The following ITGA9 variants were observed in gnomAD, a reference collection of about 807,000 sequenced individuals.
ITGA9 encodes the protein integrin subunit alpha 9, also known as integrin alpha-9.
Under a neutral mutation model 127.8 loss-of-function variants are expected in ITGA9, and 56 were observed. The observed-to-expected ratio is 0.44, with a 90% CI of 0.35 to 0.55. The LOEUF is 0.55. ITGA9 is among the 20% of genes least tolerant of loss of function. The pLI is 0.00. For missense variants in ITGA9, 1,196 were observed against 1,347.1 expected, an observed-to-expected ratio of 0.89 and a Z score of 1.76; for synonymous variants, 508 against 514.5, an observed-to-expected ratio of 0.99 and a Z score of 0.17.
intron 15 of ITGA9, among the ~76,000 whole-genome samples, chr3:37,567,633 A>G (rs1391274263): frequency 6.6e-6 from 1 of 152,324 alleles, no homozygotes; most frequent in East Asian, 1.9e-4. Context: ...GGGTATAGGC[A>G]TAAGGTAAAT....
chr3:37,674,310 G>T (rs1700662382), intron 17 of ITGA9, among the ~76,000 whole-genome samples: 1 of 152,216 alleles, frequency 6.6e-6, no homozygotes. Flanking sequence ...GTGAGCAGAG[G>T]CTGAGGAGTA....
rs1700892861 is a variant in ITGA9 at position 37,697,107 on chromosome 3, C to T, written c.2067+13092C>T. On this transcript the variant is annotated intron_variant, in intron 18 of 27. Transcript: ENST00000264741. ...TAAGACTGAGACAAAGAGAATATGT[C>T]TGTATACAACTAAAGAAAAAGAGAA... Among the ~76,000 whole-genome samples the T allele has an allele frequency of 3.3e-5, 5 of 152,080 alleles. No individual in the cohort carries two copies. In the South Asian group the frequency reaches 1.0e-3, roughly 32 times the overall value.
chr3:37,697,499 C>T (rs935799789), intron 18 of ITGA9, among the ~76,000 whole-genome samples: 4 of 151,690 alleles, frequency 2.6e-5, no homozygotes, highest in East Asian at 1.9e-4. Context: ...CCCAACCCCA[C>T]GACAGGCCCC....
chr3:37,465,836 C>T (rs181599285), intron 1 of ITGA9, among the ~76,000 whole-genome samples: 5 of 152,246 alleles, frequency 3.3e-5, no homozygotes, highest in Admixed American at 2.6e-4. Context: ...GTGGGGATTA[C>T]ATATGTGAGT....
At chr3:37,623,660 G>GGTGTGTGTGTGTATGTGT (rs1458489191) in intron 15 of ITGA9, among the ~76,000 whole-genome samples, 1 of 138,568 alleles carries the variant, frequency 7.2e-6, no homozygotes, top group East Asian at 2.2e-4. Flanking sequence ...TTTAAACAGG[G>GGTGTGTGTGTGTATGTGT]GTGTGTGTGT....
chr3:37,555,900 T>G (rs1169022456), intron 15 of ITGA9, among the ~76,000 whole-genome samples: 1 of 152,250 alleles, frequency 6.6e-6, no homozygotes, highest in Non-Finnish European at 1.5e-5. Context: ...TGATGTTTTC[T>G]GTTTTCAGTG....
intron 18 of ITGA9, among the ~76,000 whole-genome samples, chr3:37,702,285 G>A (rs1700955595): frequency 6.6e-6 from 1 of 152,158 alleles, no homozygotes; most frequent in Non-Finnish European, 1.5e-5. Context: ...TCATAGCTGG[G>A]ATTTGAGCCC....
At chr3:37,536,436 G>C (rs930853286) in intron 14 of ITGA9, among the ~76,000 whole-genome samples, 1 of 152,262 alleles carries the variant, frequency 6.6e-6, no homozygotes, top group Non-Finnish European at 1.5e-5. Flanking sequence ...GCTAGGTACT[G>C]CTGTCAGAAG....
intron 11 of ITGA9, among the ~76,000 whole-genome samples, chr3:37,522,724 TAA>T (rs35125393): frequency 1.0e-3 from 148 of 145,426 alleles, no homozygotes; most frequent in Admixed American, 1.8e-3. Flanking sequence ...CTCTATCTCT[TAA>T]AAAAAAAAAA....
intron 17 of ITGA9, among the ~76,000 whole-genome samples, chr3:37,674,262 G>T (rs1354576871): frequency 6.6e-6 from 1 of 152,198 alleles, no homozygotes; most frequent in Non-Finnish European, 1.5e-5. Context: ...CTCAGATATG[G>T]CAGTAGACTT....
At chr3:37,605,594 A>T (rs1210714827) in intron 15 of ITGA9, among the ~76,000 whole-genome samples, 1 of 152,074 alleles carries the variant, frequency 6.6e-6, no homozygotes, top group Non-Finnish European at 1.5e-5. Context: ...GAGGACAAGT[A>T]TTTTCTCATG....
At chr3:37,703,366 A>G (rs1212925903) in intron 18 of ITGA9, among the ~76,000 whole-genome samples, 1 of 152,212 alleles carries the variant, frequency 6.6e-6, no homozygotes, top group African/African-American at 2.4e-5. Context: ...GAAGTTTTTG[A>G]TCAATTGGGT....
At chr3:37,561,666 C>A (rs1357847211) in intron 15 of ITGA9, among the ~76,000 whole-genome samples, 3 of 152,274 alleles carry the variant, frequency 2.0e-5, no homozygotes, top group Non-Finnish European at 4.4e-5. Flanking sequence ...ACAGGGGTTG[C>A]CATTCAGCTA....
chr3:37,603,431 C>T (rs1226594262), intron 15 of ITGA9, among the ~76,000 whole-genome samples: 2 of 152,086 alleles, frequency 1.3e-5, no homozygotes, highest in East Asian at 1.9e-4. Context: ...CATTTTACAT[C>T]AAGGACTTGT....
chr3:37,639,154 C>G (rs76923623), intron 16 of ITGA9, among the ~76,000 whole-genome samples: 1 of 152,140 alleles, frequency 6.6e-6, no homozygotes, highest in Non-Finnish European at 1.5e-5. Context: ...CTGCATCTGT[C>G]TCATCAGAAA....
rs774544213 is a variant in ITGA9 at position 37,485,378 on chromosome 3, C to T, written c.544+3771C>T. On this transcript the variant is annotated intron_variant, in intron 4 of 27. Transcript: ENST00000264741. ...ACTTCTTGTGGGATGGTGGAAAGAC[C>T]GTGGGAGGGGCTGTGGGTTGAGGAC... Among the ~76,000 whole-genome samples, 11 of 151,664 alleles carry T rather than the reference C, an allele frequency of 7.3e-5. 1 individual carries two copies. Among genetic ancestry groups the T allele is most frequent in the East Asian group, 1.9e-4 (1 of 5,170 alleles).
chr3:37,603,315 G>A (rs1470329793), intron 15 of ITGA9, among the ~76,000 whole-genome samples: 2 of 152,118 alleles, frequency 1.3e-5, no homozygotes, highest in Admixed American at 6.5e-5. Context: ...AAACAATAAA[G>A]TATAGCAATG....
chr3:37,567,724 C>A (rs1368359676), intron 15 of ITGA9, among the ~76,000 whole-genome samples: 1 of 152,150 alleles, frequency 6.6e-6, no homozygotes, highest in Admixed American at 6.6e-5. Flanking sequence ...GCGGGGAAGT[C>A]AAATCTTAAA....
intron 15 of ITGA9, among the ~76,000 whole-genome samples, chr3:37,593,436 A>G (rs1699839736): frequency 6.6e-6 from 1 of 152,212 alleles, no homozygotes; most frequent in Non-Finnish European, 1.5e-5. Flanking sequence ...AACAGAAATT[A>G]ATTTGCTCAC....
Sources: gnomAD v4.1 joint callset for allele counts (sites outside exome capture counted in the v4.1 genomes callset) on GRCh38, gnomAD v4.1.1 for gene constraint, MANE v1.5 for transcripts, NCBI Gene and HGNC (gene_info 2026-07-23, HGNC 2026-07-21) for gene names.